CPNE4: variants seen among roughly 807,000 people sequenced by gnomAD.
CPNE4 encodes the protein copine-4.
CPNE4 carries 25 observed loss-of-function variants against 67.9 expected under a neutral mutation model. That is an observed-to-expected ratio of 0.37 (90% confidence interval 0.27 to 0.51). CPNE4 has a LOEUF of 0.51. Among genes scored for constraint, CPNE4 ranks in the 20% least tolerant of loss-of-function variants. The pLI is 0.93. For missense variants in CPNE4, 464 were observed against 690.8 expected, an observed-to-expected ratio of 0.67 and a Z score of 3.68; for synonymous variants, 242 against 244.9, an observed-to-expected ratio of 0.99 and a Z score of 0.11.
intron 2 of CPNE4, among the ~76,000 whole-genome samples, chr3:131,809,075 T>C (rs1193340285): frequency 2.0e-5 from 3 of 152,156 alleles, no homozygotes; most frequent in African/African-American, 7.2e-5. Context: ...GTTAGTTACA[T>C]AGCAAAGGGG....
rs547771864 is a variant in CPNE4 at position 131,552,593 on chromosome 3, T to C, written c.1117-102A>G. 1.0e-4 allele frequency: 87 copies of C among 835,936 alleles called. 3 individuals are homozygous for C. In the South Asian group the frequency reaches 1.3e-3, roughly 12 times the overall value. The allele number at this position is 835,936 out of a possible 1,614,324, so 51.8% of individuals were successfully genotyped here. A position where few individuals can be genotyped will look rare whatever the true frequency, so the allele number is the denominator to read the frequency against. On this transcript the variant is annotated intron_variant, in intron 12 of 15. Coordinates refer to ENST00000429747, the MANE Select transcript of CPNE4 (RefSeq NM_130808.3). ...TTAGAGTTTGCAAACAAATGCCCAT[T>C]ATATTCATTATGTGTTAAGCAGCAG...
intron 15 of CPNE4, among the ~76,000 whole-genome samples, chr3:131,536,065 T>G (rs955543654): frequency 6.6e-6 from 1 of 152,086 alleles, no homozygotes; most frequent in Non-Finnish European, 1.5e-5. Flanking sequence ...AGTTACCTGA[T>G]GGAGCTGAAG....
chr3:131,927,333 T>C (rs1336506334), intron 1 of CPNE4, among the ~76,000 whole-genome samples: 1 of 152,130 alleles, frequency 6.6e-6, no homozygotes, highest in Non-Finnish European at 1.5e-5. Context: ...AATCTTTCAG[T>C]GGATCCCAGG....
chr3:131,676,886 G>T (rs2080587784), intron 6 of CPNE4, among the ~76,000 whole-genome samples: 1 of 152,052 alleles, frequency 6.6e-6, no homozygotes, highest in African/African-American at 2.4e-5. Context: ...ATTCCTTTGG[G>T]TATATATCCA....
Position 131,782,012 on chromosome 3 carries a change from G to A in CPNE4, c.181-58387C>T, listed in dbSNP as rs191332003. ...TGCTTGAGTGAGTGAATGAATGAAT[G>A]AGAACGTGAGAATATGAGATAATTA... On this transcript the variant is annotated intron_variant, in intron 2 of 15. Transcript: ENST00000429747. Among the ~76,000 whole-genome samples, 53 of 152,230 alleles carry A rather than the reference G, an allele frequency of 3.5e-4. No homozygotes were observed. In the South Asian group the frequency reaches 6.2e-3, roughly 18 times the overall value.
chr3:131,548,480 C>T (rs11925289), intron 14 of CPNE4, among the ~76,000 whole-genome samples: 36,768 of 147,674 alleles, frequency 0.25, 5,398 homozygotes, highest in African/African-American at 0.42. Flanking sequence ...AGACATGGTG[C>T]GGGTGGGTGG....
chr3:131,558,646 C>G (rs1936596943), intron 11 of CPNE4, among the ~76,000 whole-genome samples: 1 of 151,892 alleles, frequency 6.6e-6, no homozygotes, highest in East Asian at 1.9e-4. Context: ...TTTTAATCAC[C>G]ATTTTCTCCT....
At chr3:131,849,565 C>G (rs2086152595) in intron 2 of CPNE4, among the ~76,000 whole-genome samples, 1 of 152,122 alleles carries the variant, frequency 6.6e-6, no homozygotes, top group Non-Finnish European at 1.5e-5. Context: ...CACCAAGCCC[C>G]TCTTCTAGCA....
intron 2 of CPNE4, among the ~76,000 whole-genome samples, chr3:131,815,257 C>G (rs11918768): frequency 0.02 from 3,029 of 152,052 alleles, 108 homozygotes; most frequent in African/African-American, 0.07. Flanking sequence ...AATTGGAAAA[C>G]TGATATTATA....
At chr3:131,893,373 C>T (rs114909549) in intron 2 of CPNE4, among the ~76,000 whole-genome samples, 9 of 152,024 alleles carry the variant, frequency 5.9e-5, no homozygotes, top group African/African-American at 1.9e-4. Context: ...ATACAGTAAT[C>T]GTAGGAGGCT....
intron 2 of CPNE4, among the ~76,000 whole-genome samples, chr3:131,884,122 A>C (rs2087786800): frequency 6.6e-6 from 1 of 152,236 alleles, no homozygotes; most frequent in African/African-American, 2.4e-5. Context: ...CTAGCACAAA[A>C]GCTGGGACCA....
intron 2 of CPNE4, among the ~76,000 whole-genome samples, chr3:131,748,444 T>C (rs1364687888): frequency 6.6e-6 from 1 of 152,054 alleles, no homozygotes; most frequent in African/African-American, 2.4e-5. Context: ...ATCAGGATTA[T>C]AAAAGCTTTA....
At chr3:131,838,664 T>C (rs1419078036) in intron 2 of CPNE4, among the ~76,000 whole-genome samples, 1 of 151,758 alleles carries the variant, frequency 6.6e-6, no homozygotes, top group South Asian at 2.1e-4. Context: ...AAGAATCTCA[T>C]AGAACTTTAA....
intron 1 of CPNE4, among the ~76,000 whole-genome samples, chr3:131,940,634 C>T (rs960187572): frequency 6.6e-6 from 1 of 152,002 alleles, no homozygotes; most frequent in African/African-American, 2.4e-5. Context: ...AGAACTCTCA[C>T]CTGAAGCTGA....
At chr3:131,643,522 T>C (rs1440685605) in intron 7 of CPNE4, among the ~76,000 whole-genome samples, 1 of 152,120 alleles carries the variant, frequency 6.6e-6, no homozygotes, top group African/African-American at 2.4e-5. Context: ...TGGACTTGGA[T>C]TTTTGGGTTG....
At chr3:131,799,318 C>G (rs1242654839) in intron 2 of CPNE4, among the ~76,000 whole-genome samples, 1 of 152,108 alleles carries the variant, frequency 6.6e-6, no homozygotes, top group African/African-American at 2.4e-5. Context: ...AATATTACCA[C>G]TATTATAATC....
At chr3:131,879,394 T>G (rs1194682730) in intron 2 of CPNE4, among the ~76,000 whole-genome samples, 1 of 152,224 alleles carries the variant, frequency 6.6e-6, no homozygotes, top group Non-Finnish European at 1.5e-5. Context: ...GCCAGCTGAT[T>G]TATTCGACAT....
chr3:131,794,256 T>G (rs2083859268), intron 2 of CPNE4, among the ~76,000 whole-genome samples: 1 of 151,950 alleles, frequency 6.6e-6, no homozygotes, highest in Non-Finnish European at 1.5e-5. Flanking sequence ...TTTTTTTTTT[T>G]TAGATGGAGT....
At chr3:131,731,173 C>T (rs374685935) in intron 2 of CPNE4, among the ~76,000 whole-genome samples, 13 of 152,322 alleles carry the variant, frequency 8.5e-5, no homozygotes, top group African/African-American at 3.1e-4. Flanking sequence ...GCCTCTGGCA[C>T]ACTGGGTTCT....
Sources: allele counts gnomAD v4.1 joint callset (sites outside exome capture counted in the v4.1 genomes callset), GRCh38; gene constraint gnomAD v4.1.1; transcripts MANE v1.5; gene names NCBI Gene and HGNC (gene_info 2026-07-23, HGNC 2026-07-21).